Variants in ACOT9 observed in about 807,000 individuals in gnomAD.
The protein encoded by ACOT9 is acyl-CoA thioesterase 9, also known as acyl-coenzyme A thioesterase 9, mitochondrial.
A neutral mutation model predicts 39.7 loss-of-function variants in ACOT9; 34 were observed. The observed-to-expected ratio is 0.86, with a 90% CI of 0.65 to 1.14. The LOEUF is 1.14. Ranked by LOEUF, ACOT9 falls within the 50% of genes most tolerant of loss-of-function variation. The probability of loss-of-function intolerance (pLI) is 0.00; values close to 1 mark genes in which losing one functional copy is unlikely to be tolerated. For synonymous variants in ACOT9, 110 were observed against 120.5 expected (o/e 0.91, Z 0.57); for missense variants, 313 against 344.1 (o/e 0.91, Z 0.71).
chrX:23,732,967 C>A (rs749847278), intron 4 of ACOT9, among the ~76,000 whole-genome samples: 3 of 111,865 alleles, frequency 2.7e-5, no homozygotes, highest in Non-Finnish European at 3.8e-5. Flanking sequence ...GCAGAATATA[C>A]GTAAATCATC....
chrX:23,719,897 T>C (rs1214338480), intron 8 of ACOT9, among the ~76,000 whole-genome samples: 3 of 109,927 alleles, frequency 2.7e-5, no homozygotes, highest in Admixed American at 9.7e-5. Context: ...AGAGCAGTGG[T>C]GTGATCTCGG....
chrX:23,704,871 G>A, intron 14 of ACOT9, 27 bp from the exon 15 acceptor site: 1 of 1,194,207 alleles, frequency 8.4e-7, no homozygotes, highest in South Asian at 1.8e-5. Flanking sequence ...ACTATAATCA[G>A]TCAACTGCAT....
At position 23,730,884 on chromosome X, in the gene ACOT9, T is replaced by C; in HGVS notation, c.294A>G (p.Glu98=). 8.3e-7 allele frequency: 1 copy of C among 1,211,020 alleles called. No homozygotes were observed. The highest frequency in any genetic ancestry group is 2.2e-5 in the Admixed American group (1 of 45,980). Residue 98 remains glutamate (E), a synonymous_variant, in exon 5 of 16, where the codon GAA becomes GAG. Transcript: ENST00000379303. ...GCTCACTGCCCAAAGGCAAGAGAAC[T>C]TCAATATAACTGTCCTTCATTCTCC... The part of the protein sequence containing the change: ...PPRRMKDSYI[E]VLLPLGSEPE...
At position 23,702,071 on chromosome X, in the gene ACOT9, T is replaced by A. The variant is rs959576579; in HGVS notation, c.*1823A>T. Among the ~76,000 whole-genome samples the A allele has an allele frequency of 2.8e-5, 3 of 105,325 alleles. No homozygotes were observed. In the Admixed American group the frequency reaches 3.1e-4, roughly 11 times the overall value. The allele number at this position is 105,325 out of a possible 115,157, so 91.5% of individuals were successfully genotyped here. On this transcript the variant is annotated 3_prime_UTR_variant, in exon 16 of 16. Transcript: ENST00000379303. ...TGGAGCGACAGAGTGAAACTCTGTC[T>A]CACACACACACACACACACAAAAAT...
chrX:23,707,347 A>C (rs1385450288), intron 10 of ACOT9: 2 of 111,370 alleles, frequency 1.8e-5, no homozygotes, highest in African/African-American at 6.5e-5. Context: ...AAATTACTTC[A>C]CTTAATAAAT....
rs16982784 is a variant in ACOT9 at position 23,736,044 on chromosome X, G to A, written c.21-28C>T. The stretch of plus-strand genomic sequence containing the variant: ...ATAAAACAAGATAAAACACAGAGCA[G>A]ATCCCACAGCTTCTTCCCTGGCAAC... On this transcript the variant is annotated intron_variant, in intron 1 of 15. Transcript: ENST00000379303. The A allele has an allele frequency of 4.1e-3, 4,668 of 1,151,175 alleles. 121 individuals carry two copies. The African/African-American group carries it at 0.074, about 18-fold the overall frequency. The allele number at this position is 1,151,175 out of a possible 1,213,427, so 94.9% of individuals were successfully genotyped here. A position where few individuals can be genotyped will look rare whatever the true frequency, so the allele number is the denominator to read the frequency against.
At chrX:23,728,335 G>A (rs1207501002) in intron 6 of ACOT9, among the ~76,000 whole-genome samples, 1 of 110,484 alleles carries the variant, frequency 9.1e-6, no homozygotes, top group African/African-American at 3.3e-5. Flanking sequence ...TGAAGAGGGT[G>A]AGCCTGCAGA....
chrX:23,739,814 T>G (rs1036731058), intron 1 of ACOT9, among the ~76,000 whole-genome samples: 5 of 109,476 alleles, frequency 4.6e-5, no homozygotes, highest in African/African-American at 1.7e-4. Context: ...AAAGGAAAGA[T>G]AGCCTAAGCC....
intron 4 of ACOT9, among the ~76,000 whole-genome samples, chrX:23,732,322 T>C (rs1169662401): frequency 1.8e-5 from 2 of 112,713 alleles, no homozygotes; most frequent in Non-Finnish European, 3.7e-5. Flanking sequence ...TCAATTTGAT[T>C]ACATGAGAGA....
rs138708060 is a variant in ACOT9 at position 23,740,548 on chromosome X, C to T, written c.20+2577G>A. On this transcript the variant is annotated intron_variant, in intron 1 of 15. Coordinates refer to ENST00000379303, the MANE Select transcript of ACOT9 (RefSeq NM_001037171.2). ...GGTATATACTATTTCAGGAGGTGCA[C>T]AGACCCTTTTTGTACCCTCAGATCC... Among the ~76,000 whole-genome samples, 675 of 109,737 alleles carry T rather than the reference C, an allele frequency of 6.2e-3. 3 individuals carry two copies. The highest frequency in any genetic ancestry group is 0.021 in the African/African-American group (627 of 30,206).
chrX:23,715,323 T>C (rs553541374), intron 8 of ACOT9, among the ~76,000 whole-genome samples: 1 of 111,447 alleles, frequency 9.0e-6, no homozygotes, highest in African/African-American at 3.3e-5. Flanking sequence ...TGTCTATATC[T>C]TTACCTGATG....
rs1928647936 is a variant in ACOT9, at chrX:23,705,575, C to T, written c.953G>A (p.Arg318Gln). ...CHPQERNIFN[R>Q]IFGGFLMRKA... ...CCTCATAAGGAAACCACCAAAGATC[C>T]GATTGAAAATGTTCCGCTCCTACAG... Residue 318 changes from arginine to glutamine, a missense_variant, in exon 13 of 16, where the codon CGG (arginine) becomes CAG (glutamine). Transcript: ENST00000379303. 19 of 1,209,845 alleles carry T rather than the reference C, an allele frequency of 1.6e-5. No individual in the cohort carries two copies. Among genetic ancestry groups the T allele is most frequent in the Non-Finnish European group, 1.9e-5 (17 of 894,442 alleles).
Position 23,705,841 on chromosome X carries a change from C to A in ACOT9, c.860G>T (p.Ser287Ile). Residue 287 changes from serine (S) to isoleucine (I), a missense_variant, in exon 12 of 16, where the codon AGT becomes ATT. Physicochemically the swap from Ser to Ile is moderately radical, Grantham distance 142. Transcript: ENST00000379303. ...TLDPKTISFR[S>I]RVLPSNAVWM... The stretch of plus-strand genomic sequence containing the variant: ...CACTGCATTAGAGGGTAAAACTCGA[C>A]TCCGAAAACTTATAGTCCTGTACAA... 2 of 1,204,747 alleles carry A rather than the reference C, an allele frequency of 1.7e-6. No homozygotes were observed. The highest frequency in any genetic ancestry group is 2.2e-6 in the Non-Finnish European group (2 of 888,934).
At chrX:23,723,649 T>C (rs190975305) in intron 6 of ACOT9, among the ~76,000 whole-genome samples, 14 of 106,259 alleles carry the variant, frequency 1.3e-4, no homozygotes, top group African/African-American at 4.4e-4. Flanking sequence ...GTTGATTGGC[T>C]CCCTGCTTCC....
At position 23,730,545 on chromosome X, in the gene ACOT9, C is replaced by T. The variant is rs916955976; in HGVS notation, c.382G>A (p.Asp128Asn). ...NTVRFGRILE[D>N]LDSLGVLICY... ...CCAGTACCTCCCAAGCTGTCAAGAT[C>T]CTCAAGAATCCTGCCAAATCTGTGA... The change falls in exon 6 of 16, where the codon GAT becomes AAT. Residue 128 changes from aspartate to asparagine, a missense_variant. Asp to Asn is a conservative substitution (Grantham distance 23). Coordinates refer to ENST00000379303, the MANE Select transcript of ACOT9 (RefSeq NM_001037171.2). 1 of 1,207,241 alleles carries T rather than the reference C, an allele frequency of 8.3e-7. No individual in the cohort carries two copies. The highest frequency in any genetic ancestry group is 1.1e-6 in the Non-Finnish European group (1 of 891,701).
At chrX:23,738,070 T>C (rs1411546399) in intron 1 of ACOT9, among the ~76,000 whole-genome samples, 17 of 106,195 alleles carry the variant, frequency 1.6e-4, no homozygotes, top group Admixed American at 1.3e-3. Flanking sequence ...GGTTTCATCA[T>C]GTTAGCCAGG....
intron 8 of ACOT9, among the ~76,000 whole-genome samples, chrX:23,721,245 C>G (rs990584576): frequency 1.8e-5 from 2 of 110,144 alleles, no homozygotes; most frequent in African/African-American, 6.6e-5. Flanking sequence ...CGTGCACCAC[C>G]AAGCCTGGCT....
At chrX:23,716,998 G>A (rs187845922) in intron 8 of ACOT9, among the ~76,000 whole-genome samples, 1 of 111,556 alleles carries the variant, frequency 9.0e-6, no homozygotes, top group Admixed American at 9.6e-5. Context: ...GGGACTACGG[G>A]CACGTGGCAC....
chrX:23,735,935 G>A lies in ACOT9; in HGVS notation c.102C>T (p.Ile34=), dbSNP rs187309232. The A allele has an allele frequency of 1.0e-4, 124 of 1,208,908 alleles. No homozygotes were observed. In the East Asian group the frequency reaches 3.6e-3, roughly 36 times the overall value. Reference sequence around the variant, plus strand: ...CATGCTTGCCTTCATGAATGTGGAAGATTCCCTGTTTCTTGGGGTTCTGGG... The same window carrying A: ...CATGCTTGCCTTCATGAATGTGGAAAATTCCCTGTTTCTTGGGGTTCTGGG... ...QGPQNPKKQG[I]FHIHEACSSI... Residue 34 remains isoleucine (I), a synonymous_variant, in exon 2 of 16, where the codon ATC becomes ATT. Transcript: ENST00000379303.
Sources: gnomAD v4.1 joint callset for allele counts (sites outside exome capture counted in the v4.1 genomes callset) on GRCh38, gnomAD v4.1.1 for gene constraint, MANE v1.5 for transcripts, NCBI Gene and HGNC (gene_info 2026-07-23, HGNC 2026-07-21) for gene names.